ZNF587: variants seen among roughly 807,000 people sequenced by gnomAD.
The protein encoded by ZNF587 is zinc finger protein zfp6.
ZNF587 carries 8 observed loss-of-function variants against 7.5 expected under a neutral mutation model. The ratio of observed to expected loss-of-function variants is 1.06; its 90% CI spans 0.62 to 1.92. ZNF587 has a LOEUF of 1.92. ZNF587 is among the 40% of genes most tolerant of loss of function. ZNF587 has a pLI of 0.00. For synonymous variants in ZNF587, 145 were observed against 237.8 expected, an observed-to-expected ratio of 0.61 and a Z score of 3.59; for missense variants, 468 against 692.8, an observed-to-expected ratio of 0.68 and a Z score of 3.64.
rs1489428182 is a variant in ZNF587 at position 57,864,397 on chromosome 19, G to T, written c.*4257G>T. ...TCCACCCCCCTCGGCCTCCTAAAGTGCTGGGATTACAGGCATCTGCCACCG... is the reference window on the plus strand; with the variant it reads ...TCCACCCCCCTCGGCCTCCTAAAGTTCTGGGATTACAGGCATCTGCCACCG... On this transcript the variant is annotated 3_prime_UTR_variant, in exon 3 of 3. Coordinates refer to ENST00000339656, the MANE Select transcript of ZNF587 (RefSeq NM_032828.4). 1 of 151,946 alleles carries T rather than the reference G, an allele frequency of 6.6e-6. No homozygotes were observed. The highest frequency in any genetic ancestry group is 2.4e-5 in the African/African-American group (1 of 41,304). 9.4% of individuals were successfully genotyped at this position (151,946 alleles called of 1,614,324 possible).
Position 57,863,911 on chromosome 19 carries a change from C to A in ZNF587, c.*3771C>A, listed in dbSNP as rs1180381572. 2 of 150,816 alleles carry A rather than the reference C, an allele frequency of 1.3e-5. No individual in the cohort carries two copies. Among genetic ancestry groups the A allele is most frequent in the Non-Finnish European group, 3.0e-5 (2 of 67,786 alleles). The allele number at this position is 150,816 out of a possible 1,614,324, so 9.3% of individuals were successfully genotyped here. On this transcript the variant is annotated 3_prime_UTR_variant, in exon 3 of 3. Transcript: ENST00000339656. Reference sequence around the variant, plus strand: ...TACAAAAATTAGTCGGGCATGGTGGCGGGTGCCTGTAGTCCCAGCTACTCG... The same window carrying A: ...TACAAAAATTAGTCGGGCATGGTGGAGGGTGCCTGTAGTCCCAGCTACTCG...
At position 57,860,933 on chromosome 19, in the gene ZNF587, C is replaced by A. The variant is rs1687639182; in HGVS notation, c.*793C>A. On this transcript the variant is annotated 3_prime_UTR_variant, in exon 3 of 3. Transcript: ENST00000339656. The stretch of plus-strand genomic sequence containing the variant: ...AGTTAGGTGGCATGATTTCGGCTCA[C>A]TGCAACCTCTGCCTCCCAAGTTCAA... 1 of 152,210 alleles carries A rather than the reference C, an allele frequency of 6.6e-6. No individual in the cohort carries two copies. Among genetic ancestry groups the A allele is most frequent in the Admixed American group, 6.5e-5 (1 of 15,276 alleles). The allele number at this position is 152,210 out of a possible 1,614,324, so 9.4% of individuals were successfully genotyped here.
In ZNF587 at chr19:57,859,263, T is replaced by C. The variant is rs2071405724; in HGVS notation, c.851T>C (p.Ile284Thr). ...GKSYSRKSSL[I>T]QHQRVHTGQT... Reference sequence around the variant, plus strand: ...TCTTATAGTCGAAAGAGCAGCCTTATTCAACATCAGCGAGTCCACACTGGA... The same window carrying C: ...TCTTATAGTCGAAAGAGCAGCCTTACTCAACATCAGCGAGTCCACACTGGA... The change falls in exon 3 of 3, where the codon ATT becomes ACT. Residue 284 changes from isoleucine (I) to threonine (T), a missense_variant. Ile to Thr is a moderately conservative substitution (Grantham distance 89). Transcript: ENST00000339656. The C allele has an allele frequency of 1.3e-6, 2 of 1,595,416 alleles. No homozygotes were observed. Among genetic ancestry groups the C allele is most frequent in the Non-Finnish European group, 1.7e-6 (2 of 1,170,900 alleles).
Position 57,862,809 on chromosome 19 carries a change from C to T in ZNF587, c.*2669C>T, listed in dbSNP as rs183103867. The T allele has an allele frequency of 6.4e-6, 1 of 155,154 alleles. No individual in the cohort carries two copies. Among genetic ancestry groups the T allele is most frequent in the East Asian group, 1.9e-4 (1 of 5,182 alleles). 9.6% of individuals were successfully genotyped at this position (155,154 alleles called of 1,614,324 possible). ...GCCACCTCCTCAACTTCCCTGAGGG[C>T]TGCCTAGAATCTGTTTCCTCTCACT... On this transcript the variant is annotated 3_prime_UTR_variant, in exon 3 of 3. Coordinates refer to ENST00000339656, the MANE Select transcript of ZNF587 (RefSeq NM_032828.4).
In ZNF587 at chr19:57,859,081, C is replaced by T. The variant is rs1198878964; in HGVS notation, c.669C>T (p.Thr223=). 1 of 1,611,292 alleles carries T rather than the reference C, an allele frequency of 6.2e-7. No homozygotes were observed. Among genetic ancestry groups the T allele is most frequent in the East Asian group, 2.2e-5 (1 of 44,746 alleles). Residue 223 remains threonine (T), a synonymous_variant, in exon 3 of 3, where the codon ACC becomes ACT. Coordinates refer to ENST00000339656, the MANE Select transcript of ZNF587 (RefSeq NM_032828.4). ...GAAAACGCACAAAAGCCTTCAGCAC[C>T]AAACACTCAGTTATTCCACACCAGA... ...SCGKRTKAFS[T]KHSVIPHQKL...
At chr19:57,853,413 C>T (rs1301943154) in intron 1 of ZNF587, among the ~76,000 whole-genome samples, 5 of 152,226 alleles carry the variant, frequency 3.3e-5, no homozygotes, top group Middle Eastern at 6.8e-3. Flanking sequence ...TGGAGACATC[C>T]AATATATGAA....
Position 57,858,639 on chromosome 19 carries a change from A to G in ZNF587, c.227A>G (p.Glu76Gly), listed in dbSNP as rs777464876. 97 of 1,541,572 alleles carry G rather than the reference A, an allele frequency of 6.3e-5. No homozygotes were observed. Among genetic ancestry groups the G allele is most frequent in the Non-Finnish European group, 7.7e-5 (88 of 1,149,618 alleles). Residue 76 changes from glutamate (E) to glycine (G), a missense_variant, in exon 3 of 3, where the codon GAG (glutamate) becomes GGG (glycine). By Grantham distance (98) the Glu-to-Gly change is moderately conservative. Transcript: ENST00000339656. ...AAGCAGAGAATTTCTGTACAAAGAG[A>G]GTCTCAGAGCAGGACTCCTAGGGCA... The part of the protein sequence containing the change: ...PCKQRISVQR[E>G]SQSRTPRAGV...
intron 1 of ZNF587, chr19:57,851,213 T>G (rs1236429662): frequency 6.6e-6 from 1 of 151,930 alleles, no homozygotes; most frequent in Non-Finnish European, 1.5e-5. Flanking sequence ...CTTGGGGAGG[T>G]TCAGACTCTT....
At position 57,864,004 on chromosome 19, in the gene ZNF587, G is replaced by A. The variant is rs964328173; in HGVS notation, c.*3864G>A. On this transcript the variant is annotated 3_prime_UTR_variant, in exon 3 of 3. Coordinates refer to ENST00000339656, the MANE Select transcript of ZNF587 (RefSeq NM_032828.4). ...GGTGCACTGAGCCAATATCACACCA[G>A]TGCACTCCAACCTGGTGACAGAGAG... The A allele has an allele frequency of 7.0e-6, 1 of 142,464 alleles. No homozygotes were observed. Among genetic ancestry groups the A allele is most frequent in the Non-Finnish European group, 1.5e-5 (1 of 66,726 alleles). The allele number at this position is 142,464 out of a possible 1,614,324, so 8.8% of individuals were successfully genotyped here.
Position 57,861,676 on chromosome 19 carries a change from C to T in ZNF587, c.*1536C>T, listed in dbSNP as rs1302212296. 1 of 151,566 alleles carries T rather than the reference C, an allele frequency of 6.6e-6. No individual in the cohort carries two copies. Among genetic ancestry groups the T allele is most frequent in the African/African-American group, 2.4e-5 (1 of 41,172 alleles). 9.4% of individuals were successfully genotyped at this position (151,566 alleles called of 1,614,324 possible). ...AATGAATTTTATCTATTTCCCATTTCATTAATATATTTAAAAATAATGAAA... is the reference window on the plus strand; with the variant it reads ...AATGAATTTTATCTATTTCCCATTTTATTAATATATTTAAAAATAATGAAA... On this transcript the variant is annotated 3_prime_UTR_variant, in exon 3 of 3. Transcript: ENST00000339656.
intron 1 of ZNF587, chr19:57,850,450 A>AG: frequency 2.0e-6 from 1 of 502,654 alleles, no homozygotes; most frequent in Non-Finnish European, 3.5e-6. Context: ...ATGGATTCAT[A>AG]GGGGGTTAAA....
intron 1 of ZNF587, among the ~76,000 whole-genome samples, chr19:57,854,830 C>G (rs1278220140): frequency 6.6e-6 from 1 of 151,582 alleles, no homozygotes; most frequent in African/African-American, 2.4e-5. Context: ...CACTTGAGAC[C>G]AGAAATTCAA....
intron 1 of ZNF587, chr19:57,850,870 G>C (rs1331544098): frequency 3.6e-6 from 1 of 274,994 alleles, no homozygotes; most frequent in East Asian, 6.1e-5. Context: ...AGCACTGGCC[G>C]TTTCTGTGAA....
intron 1 of ZNF587, among the ~76,000 whole-genome samples, chr19:57,855,003 C>T (rs570147136): frequency 1.3e-4 from 19 of 151,376 alleles, no homozygotes; most frequent in African/African-American, 2.7e-4. Context: ...AGTGAAACCC[C>T]GTCTCTACTA....
Position 57,863,221 on chromosome 19 carries a change from C to T in ZNF587, c.*3081C>T, listed in dbSNP as rs2071459078. On this transcript the variant is annotated 3_prime_UTR_variant, in exon 3 of 3. Transcript: ENST00000339656. ...AACTTCTACCTCCTGGATTCAAGCA[C>T]TTCTCCTTGCCTCAGCCACCTCTTT... 2 of 152,222 alleles carry T rather than the reference C, an allele frequency of 1.3e-5. No homozygotes were observed. Among genetic ancestry groups the T allele is most frequent in the Admixed American group, 1.3e-4 (2 of 15,270 alleles). 9.4% of individuals were successfully genotyped at this position (152,222 alleles called of 1,614,324 possible).
chr19:57,853,289 C>G (rs1158588845), intron 1 of ZNF587, among the ~76,000 whole-genome samples: 1 of 152,206 alleles, frequency 6.6e-6, no homozygotes, highest in Non-Finnish European at 1.5e-5. Context: ...ATAATATTCA[C>G]TGTGGATATC....
chr19:57,855,976 G>C lies in ZNF587; in HGVS notation c.34-128G>C, dbSNP rs556344642. The C allele has an allele frequency of 1.3e-4, 196 of 1,494,852 alleles. 1 individual carries two copies. The Admixed American group carries it at 4.0e-3, about 30-fold the overall frequency. The allele number at this position is 1,494,852 out of a possible 1,614,324, so 92.6% of individuals were successfully genotyped here. A position where few individuals can be genotyped will look rare whatever the true frequency, so the allele number is the denominator to read the frequency against. ...GGCCCATGAAGAGACAAAGGCACCA[G>C]TGGATGTGGTTTCAACTCCGTGTTG... On this transcript the variant is annotated intron_variant, in intron 1 of 2. Transcript: ENST00000339656.
At position 57,859,454 on chromosome 19, in the gene ZNF587, GGA is replaced by G; in HGVS notation, c.1050_1051del (p.Arg350SerfsTer19). The G allele has an allele frequency of 1.9e-6, 3 of 1,612,406 alleles. No individual in the cohort carries two copies. The highest frequency in any genetic ancestry group is 2.2e-5 in the East Asian group (1 of 44,860). On this transcript the variant is annotated frameshift_variant, in exon 3 of 3. Coordinates refer to ENST00000339656, the MANE Select transcript of ZNF587 (RefSeq NM_032828.4). LOFTEE classifies it low-confidence loss of function (END_TRUNC). Reference protein sequence around the residue: ...NLIQHQQGHTGERAYHCGECG... With the variant: ...NLIQHQQGHTXERAYHCGECG... ...CATTCAACATCAGCAAGGTCACACTGGAGAGAGAGCTTATCACTGTGGGGAAT... is the reference window on the plus strand; with the variant it reads ...CATTCAACATCAGCAAGGTCACACTGGAGAGAGCTTATCACTGTGGGGAAT...
At position 57,862,259 on chromosome 19, in the gene ZNF587, C is replaced by T. The variant is rs1194226485; in HGVS notation, c.*2119C>T. The T allele has an allele frequency of 2.6e-5, 4 of 152,152 alleles. No individual in the cohort carries two copies. The highest frequency in any genetic ancestry group is 1.9e-4 in the East Asian group (1 of 5,186). The allele number at this position is 152,152 out of a possible 1,614,324, so 9.4% of individuals were successfully genotyped here. On this transcript the variant is annotated 3_prime_UTR_variant, in exon 3 of 3. Coordinates refer to ENST00000339656, the MANE Select transcript of ZNF587 (RefSeq NM_032828.4). ...CTATTTCTTTTGTTCCAAGTTTGTA[C>T]TTCCTCACAGTTCTCACATATGGAA...
Sources: allele counts gnomAD v4.1 joint callset (sites outside exome capture counted in the v4.1 genomes callset), GRCh38; gene constraint gnomAD v4.1.1; transcripts MANE v1.5; gene names NCBI Gene and HGNC (gene_info 2026-07-23, HGNC 2026-07-21).